SEC14L1: variants seen among roughly 807,000 people sequenced by gnomAD.
The protein encoded by SEC14L1 is SEC14 like lipid binding 1, also known as SEC14-like protein 1.
Under a neutral mutation model 85.3 loss-of-function variants are expected in SEC14L1, and 48 were observed. That is an observed-to-expected ratio of 0.56 (90% CI 0.45 to 0.72). SEC14L1 has a LOEUF of 0.72. Ranked by LOEUF, SEC14L1 falls within the 30% of genes least tolerant of loss-of-function variation. The pLI is 0.00. For missense variants in SEC14L1, 682 were observed against 921.4 expected, an observed-to-expected ratio of 0.74 and a Z score of 3.36; for synonymous variants, 391 against 355.5, an observed-to-expected ratio of 1.10 and a Z score of -1.12.
In SEC14L1 at chr17:77,215,713, C is replaced by G; in HGVS notation, c.*1690C>G. On this transcript the variant is annotated 3_prime_UTR_variant, in exon 17 of 17. Coordinates refer to ENST00000436233, the MANE Select transcript of SEC14L1 (RefSeq NM_001143998.2). The stretch of plus-strand genomic sequence containing the variant: ...CTGAAGCCTTTGCTTCCGGAAAGCG[C>G]GGTAGGGTTCGTAGGTAGGGCTAGT... The G allele has an allele frequency of 3.0e-6, 3 of 993,556 alleles. No homozygotes were observed. Among genetic ancestry groups the G allele is most frequent in the Non-Finnish European group, 3.6e-6 (3 of 833,956 alleles). The allele number at this position is 993,556 out of a possible 1,614,324, so 61.5% of individuals were successfully genotyped here. A position where few individuals can be genotyped will look rare whatever the true frequency, so the allele number is the denominator to read the frequency against.
chr17:77,147,932 T>G (rs1292288743), intron 3 of SEC14L1, among the ~76,000 whole-genome samples: 1 of 152,108 alleles, frequency 6.6e-6, no homozygotes, highest in Admixed American at 6.5e-5. Context: ...GGAGGAGAAA[T>G]TAATCAGTGA....
intron 1 of SEC14L1, 94 bp downstream of exon 1, chr17:77,141,201 C>G (rs1004208831): frequency 2.0e-5 from 3 of 151,832 alleles, no homozygotes; most frequent in Non-Finnish European, 2.9e-5. Context: ...CCCCGGAACT[C>G]CCGGCCGCCC....
At chr17:77,107,239 C>T (rs970868403) in intron 3 of SEC14L1, among the ~76,000 whole-genome samples, 4 of 152,110 alleles carry the variant, frequency 2.6e-5, no homozygotes, top group Non-Finnish European at 5.9e-5. Flanking sequence ...CTCCGGGCTC[C>T]GGGGTCCAGG....
At chr17:77,137,898 G>C (rs73998622), upstream of SEC14L1, among the ~76,000 whole-genome samples, 3 of 152,176 alleles carry the variant, frequency 2.0e-5, no homozygotes, top group Non-Finnish European at 4.4e-5. Context: ...ATCAGGACAG[G>C]AGGATTGCAA....
At chr17:77,122,656 G>A (rs960048804) in intron 3 of SEC14L1, among the ~76,000 whole-genome samples, 2 of 152,156 alleles carry the variant, frequency 1.3e-5, no homozygotes, top group South Asian at 4.1e-4. Flanking sequence ...TAAGATGACC[G>A]TGTGCTCTCG....
intron 3 of SEC14L1, among the ~76,000 whole-genome samples, chr17:77,134,956 TTGAG>T (rs1216995898): frequency 1.3e-5 from 2 of 152,234 alleles, no homozygotes; most frequent in African/African-American, 4.8e-5. Context: ...TCACATTGGC[TTGAG>T]TATTTACACT....
chr17:77,107,243 G>GTCCAGGC (rs1971935836), intron 3 of SEC14L1, among the ~76,000 whole-genome samples: 1 of 152,112 alleles, frequency 6.6e-6, no homozygotes, highest in South Asian at 2.1e-4. Context: ...GGGCTCCGGG[G>GTCCAGGC]TCCAGGCTCC....
Position 77,212,049 on chromosome 17 carries a change from C to T in SEC14L1, c.1711C>T (p.Pro571Ser). ...VFNIYHSKRSPQPPKKDSLGA... is the reference protein window; with the variant it reads ...VFNIYHSKRSSQPPKKDSLGA... ...TAACATCTATCACTCCAAGAGGTCG[C>T]CACAACCACCCAAAAAGGACTCCCT... The change falls in exon 15 of 17, where the codon CCA becomes TCA. Residue 571 changes from proline (P) to serine (S), a missense_variant. By Grantham distance (74) the Pro-to-Ser change is moderately conservative. Transcript: ENST00000436233. 1 of 1,614,118 alleles carries T rather than the reference C, an allele frequency of 6.2e-7. No homozygotes were observed. Among genetic ancestry groups the T allele is most frequent in the Non-Finnish European group, 8.5e-7 (1 of 1,180,034 alleles).
chr17:77,182,923 TC>T (rs770914425), intron 3 of SEC14L1, among the ~76,000 whole-genome samples: 10 of 152,246 alleles, frequency 6.6e-5, no homozygotes, highest in African/African-American at 1.2e-4. Flanking sequence ...CCGCTGCTCC[TC>T]CTAGCCCCAA....
At chr17:77,178,384 G>A (rs1191246262) in intron 3 of SEC14L1, among the ~76,000 whole-genome samples, 4 of 152,238 alleles carry the variant, frequency 2.6e-5, no homozygotes, top group African/African-American at 9.6e-5. Flanking sequence ...ATATAATGTG[G>A]ATAAATCAGA....
chr17:77,191,962 A>G (rs1975564489), intron 5 of SEC14L1, among the ~76,000 whole-genome samples: 1 of 146,356 alleles, frequency 6.8e-6, no homozygotes, highest in Admixed American at 6.8e-5. Context: ...ACGCCCGGCT[A>G]ATTTTTGTAT....
At chr17:77,197,256 C>A (rs770543153) in intron 8 of SEC14L1, among the ~76,000 whole-genome samples, 1 of 152,200 alleles carries the variant, frequency 6.6e-6, no homozygotes, top group African/African-American at 2.4e-5. Flanking sequence ...GGACCAGCCT[C>A]TTGAGTTGGT....
In SEC14L1 at chr17:77,158,280, T is replaced by C. The variant is rs1487438943; in HGVS notation, c.63+14621T>C. ...ACCATCCATCTCCAGAACTTTCTCA[T>C]CTCCCCAAATCGAAGCTCTGTCCCC... On this transcript the variant is annotated intron_variant, in intron 3 of 16. Transcript: ENST00000436233. Among the ~76,000 whole-genome samples, 3 of 152,166 alleles carry C rather than the reference T, an allele frequency of 2.0e-5. No individual in the cohort carries two copies. In the East Asian group the frequency reaches 5.8e-4, roughly 29 times the overall value.
chr17:77,209,616 C>A, intron 14 of SEC14L1, 140 bp downstream of exon 14: 1 of 839,800 alleles, frequency 1.2e-6, no homozygotes, highest in Non-Finnish European at 1.8e-6. Context: ...TGTTGACACT[C>A]GATATTTAGT....
At chr17:77,100,376 T>A (rs1451391394) in intron 3 of SEC14L1, among the ~76,000 whole-genome samples, 1 of 149,470 alleles carries the variant, frequency 6.7e-6, no homozygotes, top group African/African-American at 2.4e-5. Context: ...AATTTCCCCT[T>A]CCTTGGCTGG....
rs1461500024 is a variant in SEC14L1 at position 77,191,239 on chromosome 17, G to A, written c.272G>A (p.Arg91His). 3.7e-6 allele frequency: 6 copies of A among 1,613,488 alleles called. No individual in the cohort carries two copies. The highest frequency in any genetic ancestry group is 2.2e-5 in the East Asian group (1 of 44,876). The change falls in exon 5 of 17, where the codon CGT (arginine) becomes CAT (histidine). Residue 91 changes from arginine (R) to histidine (H), a missense_variant. Around this residue, in one of 3 missense-constraint regions of SEC14L1, gnomAD observed 139 missense variants for 201.3 expected, o/e 0.69. Coordinates refer to ENST00000436233, the MANE Select transcript of SEC14L1 (RefSeq NM_001143998.2). ...VQKNSLNSRE[R>H]TLHIEAYNET... is the part of the protein sequence containing the mutation. ...AAAAACTCACTGAATTCTCGGGAACGTACTTTGCACATTGAGGCTTATAAT... is the reference window on the plus strand; with the variant it reads ...AAAAACTCACTGAATTCTCGGGAACATACTTTGCACATTGAGGCTTATAAT...
chr17:77,149,864 T>G (rs73998623), intron 3 of SEC14L1, among the ~76,000 whole-genome samples: 2,587 of 152,088 alleles, frequency 0.017, 84 homozygotes, highest in African/African-American at 0.059. Context: ...GTGTTTTTTT[T>G]TTTTTTTTTT....
intron 3 of SEC14L1, among the ~76,000 whole-genome samples, chr17:77,127,025 T>A (rs939458516): frequency 2.0e-5 from 3 of 151,442 alleles, no homozygotes; most frequent in South Asian, 2.1e-4. Context: ...TTTCTTCTTT[T>A]AAAAAAAAGG....
In SEC14L1 at chr17:77,129,391, G is replaced by T. The variant is rs543380676; in HGVS notation, c.-135-13255G>T. 3.9e-5 allele frequency among the ~76,000 whole-genome samples: 6 copies of T among 152,252 alleles called. No homozygotes were observed. The South Asian group carries it at 6.2e-4, about 16-fold the overall frequency. On this transcript the variant is annotated intron_variant, in intron 3 of 19. Coordinates refer to the SEC14L1 transcript ENST00000392476. Reference sequence around the variant, plus strand: ...CACAGGTCCTGCCAACGTGGGGAAGGGTGAGAGATGGAATTTTCACTGCAG... The same window carrying T: ...CACAGGTCCTGCCAACGTGGGGAAGTGTGAGAGATGGAATTTTCACTGCAG...
Sources: allele counts gnomAD v4.1 joint callset (sites outside exome capture counted in the v4.1 genomes callset), GRCh38; gene constraint gnomAD v4.1.1; regional missense constraint gnomAD v4.1.1; transcripts MANE v1.5; gene names NCBI Gene and HGNC (gene_info 2026-07-23, HGNC 2026-07-21).